SLC35F4: variants seen among roughly 807,000 people sequenced by gnomAD.
SLC35F4 encodes the protein solute carrier family 35 member F4, also known as chromosome 14 open reading frame 36.
Under a neutral mutation model 44.2 loss-of-function variants are expected in SLC35F4, and 24 were observed. That is an observed-to-expected ratio of 0.54 (90% CI 0.39 to 0.76). The LOEUF (loss-of-function observed/expected upper bound fraction) is 0.76. Ranked by LOEUF, SLC35F4 falls within the 30% of genes least tolerant of loss-of-function variation. SLC35F4 has a pLI of 0.00. For missense variants in SLC35F4, 562 were observed against 586.1 expected (o/e 0.96, Z 0.42); for synonymous variants, 238 against 223.6 (o/e 1.06, Z -0.57).
chr14:57,802,233 G>A (rs1223341850), intron 1 of SLC35F4, among the ~76,000 whole-genome samples: 1 of 152,038 alleles, frequency 6.6e-6, no homozygotes, highest in Non-Finnish European at 1.5e-5. Flanking sequence ...AATGATTCTT[G>A]GGTAAATAAT....
chr14:57,594,013 G>C lies in SLC35F4; in HGVS notation c.215C>G (p.Ala72Gly), dbSNP rs775627076. ...TTGGTTTTGAAGTTCAAGAATAGGAGCAGAGGAATCTTCGGTGACAGACAG... is the reference window on the plus strand; with the variant it reads ...TTGGTTTTGAAGTTCAAGAATAGGACCAGAGGAATCTTCGGTGACAGACAG... ...SPLSVTEDSSAPILELQNQGS... is the reference protein window; with the variant it reads ...SPLSVTEDSSGPILELQNQGS... The change falls in exon 2 of 8, where the codon GCT (alanine) becomes GGT (glycine). Residue 72 changes from alanine to glycine, a missense_variant. Transcript: ENST00000556826. The C allele has an allele frequency of 6.2e-7, 1 of 1,613,942 alleles. No individual in the cohort carries two copies. The highest frequency in any genetic ancestry group is 8.5e-7 in the Non-Finnish European group (1 of 1,179,876).
At chr14:57,977,820 G>T (rs554057568) in intron 1 of SLC35F4, among the ~76,000 whole-genome samples, 72 of 152,250 alleles carry the variant, frequency 4.7e-4, no homozygotes, top group Admixed American at 1.4e-3. Flanking sequence ...GGCAGGAGTG[G>T]CCCCGAAAGA....
intron 1 of SLC35F4, among the ~76,000 whole-genome samples, chr14:57,762,338 T>C (rs1040591701): frequency 2.0e-5 from 3 of 152,172 alleles, no homozygotes; most frequent in African/African-American, 7.2e-5. Flanking sequence ...GAAAAAATTG[T>C]ACAAGACTTG....
intron 4 of SLC35F4, among the ~76,000 whole-genome samples, chr14:57,573,224 C>T (rs746123388): frequency 1.1e-4 from 17 of 152,278 alleles, no homozygotes; most frequent in African/African-American, 2.4e-4. Flanking sequence ...AGAATTCAGA[C>T]GCTGCTAAAG....
chr14:57,590,627 C>G (rs1476569568), intron 2 of SLC35F4, among the ~76,000 whole-genome samples: 1 of 152,156 alleles, frequency 6.6e-6, no homozygotes, highest in Non-Finnish European at 1.5e-5. Context: ...ATGGAAAAAA[C>G]AAGTTAACAT....
chr14:57,668,287 T>A (rs1242586469), intron 1 of SLC35F4, among the ~76,000 whole-genome samples: 2 of 151,212 alleles, frequency 1.3e-5, no homozygotes, highest in East Asian at 3.9e-4. Context: ...GGTTGCCTGT[T>A]CACTCTGATG....
In SLC35F4 at chr14:57,766,843, A is replaced by T. The variant is rs1304731828; in HGVS notation, c.103+98880T>A. Among the ~76,000 whole-genome samples the T allele has an allele frequency of 2.6e-5, 4 of 152,224 alleles. No homozygotes were observed. In the East Asian group the frequency reaches 7.7e-4, roughly 29 times the overall value. ...ATATATCAATAATTACCTTAAATGT[A>T]AATAGCCCAAATATACAAATCAAAA... On this transcript the variant is annotated intron_variant, in intron 1 of 7. Transcript: ENST00000556826.
At chr14:57,942,629 T>C (rs950354050) in intron 1 of SLC35F4, among the ~76,000 whole-genome samples, 1 of 152,192 alleles carries the variant, frequency 6.6e-6, no homozygotes, top group African/African-American at 2.4e-5. Context: ...CTAATACAAC[T>C]GTTGCCCAAA....
intron 3 of SLC35F4, 102 bp from the exon 4 acceptor site, chr14:57,581,535 A>C: frequency 1.0e-6 from 1 of 983,164 alleles, no homozygotes; most frequent in Non-Finnish European, 1.5e-6. Flanking sequence ...CAAACACTCA[A>C]TACCCATCCT....
At chr14:57,865,467 TCCC>T (rs1341304986) in intron 1 of SLC35F4, among the ~76,000 whole-genome samples, 1 of 151,892 alleles carries the variant, frequency 6.6e-6, no homozygotes, top group Non-Finnish European at 1.5e-5. Context: ...CCTCCGCACC[TCCC>T]CCCAAGGCTA....
At chr14:57,573,236 A>C (rs2068604221) in intron 4 of SLC35F4, among the ~76,000 whole-genome samples, 1 of 152,214 alleles carries the variant, frequency 6.6e-6, no homozygotes, top group Admixed American at 6.5e-5. Flanking sequence ...CTGCTAAAGC[A>C]TGTCTTTTGT....
intron 1 of SLC35F4, among the ~76,000 whole-genome samples, chr14:57,789,780 CA>C (rs1408641392): frequency 2.6e-5 from 4 of 152,154 alleles, no homozygotes; most frequent in Non-Finnish European, 4.4e-5. Flanking sequence ...AGCAGCACAT[CA>C]AAAAGCTTAT....
intron 4 of SLC35F4, among the ~76,000 whole-genome samples, chr14:57,572,242 G>A (rs2068549088): frequency 6.6e-6 from 1 of 152,098 alleles, no homozygotes; most frequent in Non-Finnish European, 1.5e-5. Flanking sequence ...TTAAAGACTA[G>A]TAATTTTATT....
At chr14:57,572,544 A>T (rs1290445039) in intron 4 of SLC35F4, among the ~76,000 whole-genome samples, 1 of 152,208 alleles carries the variant, frequency 6.6e-6, no homozygotes, top group Non-Finnish European at 1.5e-5. Flanking sequence ...GAAAAAAGAA[A>T]GAAAATAAAT....
chr14:57,593,322 A>G (rs1465150466), intron 2 of SLC35F4, among the ~76,000 whole-genome samples: 1 of 152,152 alleles, frequency 6.6e-6, no homozygotes, highest in East Asian at 1.9e-4. Context: ...AAAACTATAA[A>G]TTTTGCTGGG....
At chr14:57,911,443 A>C (rs1174945615) in intron 1 of SLC35F4, among the ~76,000 whole-genome samples, 4 of 151,906 alleles carry the variant, frequency 2.6e-5, no homozygotes, top group Non-Finnish European at 5.9e-5. Flanking sequence ...TTCTTTATCA[A>C]GTTGAGGAAG....
At chr14:57,768,833 A>G (rs1595007646) in intron 1 of SLC35F4, among the ~76,000 whole-genome samples, 2 of 151,992 alleles carry the variant, frequency 1.3e-5, no homozygotes, top group African/African-American at 4.8e-5. Flanking sequence ...GCTCACTACA[A>G]TCTCTGCCTC....
chr14:57,764,312 TA>T (rs138668288), intron 1 of SLC35F4, among the ~76,000 whole-genome samples: 9 of 148,402 alleles, frequency 6.1e-5, no homozygotes, highest in Admixed American at 1.3e-4. Flanking sequence ...CTGTAGGTTC[TA>T]AAAAAAAAAG....
chr14:57,642,247 A>T (rs538017296), intron 1 of SLC35F4, among the ~76,000 whole-genome samples: 1 of 151,654 alleles, frequency 6.6e-6, no homozygotes, highest in Non-Finnish European at 1.5e-5. Flanking sequence ...TCTACGTTTA[A>T]CTCTTTCCAT....
Sources: gnomAD v4.1 joint callset for allele counts (sites outside exome capture counted in the v4.1 genomes callset) on GRCh38, gnomAD v4.1.1 for gene constraint, MANE v1.5 for transcripts, NCBI Gene and HGNC (gene_info 2026-07-23, HGNC 2026-07-21) for gene names.